TPX2: variants seen among roughly 807,000 people sequenced by gnomAD.
The protein encoded by TPX2 is targeting protein for Xklp2.
A neutral mutation model predicts 93.6 loss-of-function variants in TPX2; 21 were observed. That is an observed-to-expected ratio of 0.22 (90% CI 0.16 to 0.32). The LOEUF (loss-of-function observed/expected upper bound fraction) is 0.32, where lower values mean the gene tolerates loss of function less well. Among genes scored for constraint, TPX2 ranks in the 10% least tolerant of loss-of-function variants. TPX2 has a pLI of 1.00. For synonymous variants in TPX2, 281 were observed against 298.3 expected (o/e 0.94, Z 0.60); for missense variants, 776 against 871.1 (o/e 0.89, Z 1.37).
At chr20:31,773,412 A>G (rs2061976669) in intron 7 of TPX2, among the ~76,000 whole-genome samples, 1 of 146,538 alleles carries the variant, frequency 6.8e-6, no homozygotes, top group South Asian at 2.1e-4. Flanking sequence ...CAGCCTCCCA[A>G]AGTGCTGGGA....
Position 31,766,653 on chromosome 20 carries a change from A to G in TPX2, c.327A>G (p.Ile109Met). The G allele has an allele frequency of 1.9e-6, 3 of 1,613,860 alleles. No individual in the cohort carries two copies. Among genetic ancestry groups the G allele is most frequent in the Non-Finnish European group, 2.5e-6 (3 of 1,179,954 alleles). The change falls in exon 5 of 18, where the codon ATA becomes ATG. Residue 109 changes from isoleucine (I) to methionine (M), a missense_variant. Ile to Met is a conservative substitution (Grantham distance 10, BLOSUM62 1). Coordinates refer to ENST00000300403, the MANE Select transcript of TPX2 (RefSeq NM_012112.5). ...ACSSLEVEAA[I>M]SRKTPAQPQR... ...CTTCCCTGGAAGTTGAGGCAGCCAT[A>G]TCAAGAAAAACTCCAGCCCAGCCTC... is the stretch of plus-strand genomic sequence containing the variant.
chr20:31,766,562 A>C lies in TPX2; in HGVS notation c.236A>C (p.Asn79Thr), dbSNP rs141337190. 1.2e-6 allele frequency: 2 copies of C among 1,612,314 alleles called. No individual in the cohort carries two copies. ...AGCTTTTGGTCTTCCGCAGTTGACA[A>C]CACTTACTACAAAGAGGCAGAAAAA... is the stretch of plus-strand genomic sequence containing the variant. ...AIVTPLKPVD[N>T]TYYKEAEKEN... is the part of the protein sequence containing the mutation. The change falls in exon 5 of 18, where the codon AAC (asparagine) becomes ACC (threonine). Residue 79 changes from asparagine to threonine, a missense_variant. By Grantham distance (65) the Asn-to-Thr change is moderately conservative. This residue lies in a region of TPX2 where 279 missense variants were observed against 261.6 expected (regional missense o/e 1.07). Transcript: ENST00000300403.
intron 10 of TPX2, among the ~76,000 whole-genome samples, chr20:31,779,700 T>A (rs2062021682): frequency 6.6e-6 from 1 of 152,084 alleles, no homozygotes; most frequent in Admixed American, 6.6e-5. Flanking sequence ...ATAAAGAAGC[T>A]GAAGGTACGA....
chr20:31,780,155 G>A (rs1388772411), intron 10 of TPX2, among the ~76,000 whole-genome samples: 2 of 152,088 alleles, frequency 1.3e-5, no homozygotes, highest in African/African-American at 4.8e-5. Flanking sequence ...GGGTGCAAGA[G>A]ATTCTCGTGC....
chr20:31,770,295 C>T lies in TPX2; in HGVS notation c.357-48C>T. 3.1e-6 allele frequency: 4 copies of T among 1,281,530 alleles called. 1 individual carries two copies. The South Asian group carries it at 8.5e-5, about 27-fold the overall frequency. 79.4% of individuals were successfully genotyped at this position (1,281,530 alleles called of 1,614,324 possible). On this transcript the variant is annotated intron_variant, in intron 5 of 17. Transcript: ENST00000300403. ...ACATTTCTCAGGAACATTTGGATAT[C>T]TGTAGTATATATATTTATTATATAT...
intron 10 of TPX2, 29 bp downstream of exon 10, chr20:31,779,013 A>G (rs750338084): frequency 2.0e-6 from 3 of 1,533,432 alleles, no homozygotes; most frequent in Admixed American, 4.4e-5. Flanking sequence ...TCACAGTTGG[A>G]TGGAACCTCT....
intron 2 of TPX2, among the ~76,000 whole-genome samples, chr20:31,749,353 A>G (rs552258053): frequency 6.6e-6 from 1 of 152,350 alleles, no homozygotes; most frequent in Admixed American, 6.5e-5. Flanking sequence ...GACTGTGAAT[A>G]AGTAGTAAAT....
At chr20:31,796,267 A>C (rs1157028371) in intron 15 of TPX2, among the ~76,000 whole-genome samples, 1 of 152,196 alleles carries the variant, frequency 6.6e-6, no homozygotes, top group Non-Finnish European at 1.5e-5. Context: ...CTTACACTGG[A>C]TACTTCTACC....
intron 5 of TPX2, 39 bp from the exon 6 acceptor site, chr20:31,770,304 A>AT (rs1479883706): frequency 7.2e-7 from 1 of 1,383,786 alleles, no homozygotes; most frequent in Non-Finnish European, 9.6e-7. Context: ...TCTGTAGTAT[A>AT]TATATTTATT....
chr20:31,800,713 G>A (rs923006024), intron 17 of TPX2, among the ~76,000 whole-genome samples: 5 of 152,124 alleles, frequency 3.3e-5, no homozygotes, highest in African/African-American at 1.2e-4. Flanking sequence ...GAAAGCTGAG[G>A]GACTTGAGGA....
At chr20:31,789,634 T>G (rs953331703) in intron 12 of TPX2, among the ~76,000 whole-genome samples, 1 of 152,076 alleles carries the variant, frequency 6.6e-6, no homozygotes, top group Non-Finnish European at 1.5e-5. Flanking sequence ...AAAAAAAACT[T>G]TCTTTGTTTC....
chr20:31,742,604 C>CTT lies in TPX2; in HGVS notation c.-112_-111dup, dbSNP rs988130582. 2 of 152,170 alleles carry CTT rather than the reference C, an allele frequency of 1.3e-5. No homozygotes were observed. Among genetic ancestry groups the CTT allele is most frequent in the Non-Finnish European group, 2.9e-5 (2 of 68,040 alleles). The allele number at this position is 152,170 out of a possible 1,614,324, so 9.4% of individuals were successfully genotyped here. A position where few individuals can be genotyped will look rare whatever the true frequency, so the allele number is the denominator to read the frequency against. Reference sequence around the variant, plus strand: ...AAAGGGGTGAAAGAGAAGATTGCAACTTTGAGTCAGACCTGTAGGCCTGAT... The same window carrying CTT: ...AAAGGGGTGAAAGAGAAGATTGCAACTTTTTGAGTCAGACCTGTAGGCCTGAT... On this transcript the variant is annotated 5_prime_UTR_variant, in exon 2 of 18. Transcript: ENST00000300403.
rs139577232 is a variant in TPX2 at position 31,779,682 on chromosome 20, C to T, written c.1054+698C>T. Reference sequence around the variant, plus strand: ...AGCATGTCTGAATGTTGAGAAGTCTCGTCAGAGATAAAGAAGCTGAAGGTA... The same window carrying T: ...AGCATGTCTGAATGTTGAGAAGTCTTGTCAGAGATAAAGAAGCTGAAGGTA... On this transcript the variant is annotated intron_variant, in intron 10 of 17. Transcript: ENST00000300403. Among the ~76,000 whole-genome samples the T allele has an allele frequency of 7.6e-4, 116 of 152,148 alleles. 1 individual carries two copies. The highest frequency in any genetic ancestry group is 6.9e-4 in the Non-Finnish European group (47 of 68,006).
chr20:31,770,261 C>G (rs1045081812), intron 5 of TPX2, 82 bp from the exon 6 acceptor site: 1 of 1,005,540 alleles, frequency 9.9e-7, no homozygotes. Context: ...TGTAGTTTGA[C>G]ATCCTTTCAC....
At chr20:31,768,397 G>A (rs1056526977) in intron 5 of TPX2, among the ~76,000 whole-genome samples, 107 of 145,596 alleles carry the variant, frequency 7.3e-4, no homozygotes, top group African/African-American at 2.5e-3. Flanking sequence ...CACTACGCGC[G>A]GCTAATTTTT....
chr20:31,759,091 CAAAT>C (rs1021722037), intron 3 of TPX2, among the ~76,000 whole-genome samples: 35 of 151,904 alleles, frequency 2.3e-4, no homozygotes, highest in African/African-American at 6.8e-4. Context: ...ATTTCTTTCC[CAAAT>C]AAATAGTCAC....
At chr20:31,749,402 A>T (rs2061804646) in intron 2 of TPX2, among the ~76,000 whole-genome samples, 1 of 152,226 alleles carries the variant, frequency 6.6e-6, no homozygotes, top group African/African-American at 2.4e-5. Context: ...GAATGAAGAT[A>T]ATAACAGTAC....
chr20:31,775,114 T>C (rs1231942427), intron 7 of TPX2, among the ~76,000 whole-genome samples: 5 of 150,712 alleles, frequency 3.3e-5, no homozygotes, highest in Non-Finnish European at 5.9e-5. Context: ...TGCCTGCCAC[T>C]ACATCTGGCT....
intron 2 of TPX2, among the ~76,000 whole-genome samples, chr20:31,744,185 G>T (rs1252579515): frequency 2.6e-5 from 3 of 115,254 alleles, no homozygotes; most frequent in Non-Finnish European, 1.7e-5. Flanking sequence ...TTTTTGAGTC[G>T]GAGTCTCACT....
Sources: gnomAD v4.1 joint callset for allele counts (sites outside exome capture counted in the v4.1 genomes callset) on GRCh38, gnomAD v4.1.1 for gene constraint, gnomAD v4.1.1 regional missense constraint, MANE v1.5 for transcripts, NCBI Gene and HGNC (gene_info 2026-07-23, HGNC 2026-07-21) for gene names.